The following RBFOX1 variants were observed in gnomAD, a reference collection of about 807,000 sequenced individuals.
RBFOX1 encodes RNA binding fox-1 homolog 1.
Under a neutral mutation model 57.7 loss-of-function variants are expected in RBFOX1, and 8 were observed. The ratio of observed to expected loss-of-function variants is 0.14; its 90% confidence interval spans 0.08 to 0.25. RBFOX1 has a LOEUF of 0.25. Among genes scored for constraint, RBFOX1 ranks in the 10% least tolerant of loss-of-function variants. The pLI is 1.00. For missense variants in RBFOX1, 611 were observed against 548.5 expected (o/e 1.11, Z -1.14); for synonymous variants, 326 against 222.4 (o/e 1.47, Z -4.15).
At position 6,847,733 on chromosome 16, in the gene RBFOX1, C is replaced by G. The variant is rs536286850; in HGVS notation, c.-16+193083C>G. On this transcript the variant is annotated intron_variant, in intron 3 of 15. Transcript: ENST00000550418. ...TAGAGCACCCATCAACCTGTGAATG[C>G]TTACACATTTTTATTCTGTTTTAAA... is the stretch of plus-strand genomic sequence containing the variant. 3.0e-4 allele frequency among the ~76,000 whole-genome samples: 46 copies of G among 152,196 alleles called. 1 individual carries two copies. In the South Asian group the frequency reaches 9.3e-3, roughly 31 times the overall value.
At chr16:5,586,298 A>G (rs140376100) in intron 2 of RBFOX1, among the ~76,000 whole-genome samples, 16 of 152,312 alleles carry the variant, frequency 1.1e-4, no homozygotes, top group Admixed American at 2.0e-4. Flanking sequence ...GTTGGTGGCA[A>G]TTGCGTGACG....
chr16:7,164,331 T>G (rs1215842690), intron 4 of RBFOX1, among the ~76,000 whole-genome samples: 3 of 152,206 alleles, frequency 2.0e-5, no homozygotes, highest in African/African-American at 7.2e-5. Flanking sequence ...TTCCATGGTC[T>G]GTATATACCA....
intron 2 of RBFOX1, among the ~76,000 whole-genome samples, chr16:6,420,850 G>A (rs757227195): frequency 6.6e-6 from 1 of 152,280 alleles, no homozygotes; most frequent in African/African-American, 2.4e-5. Context: ...TTTATGTGTG[G>A]GATGAGGGTG....
chr16:6,872,860 T>G (rs1365037525), intron 3 of RBFOX1, among the ~76,000 whole-genome samples: 1 of 152,176 alleles, frequency 6.6e-6, no homozygotes, highest in Non-Finnish European at 1.5e-5. Context: ...ATATAACAAT[T>G]CAAAGACTCC....
rs543972462 is a variant in RBFOX1 at position 5,965,436 on chromosome 16, A to G, written c.351+98101A>G. Among the ~76,000 whole-genome samples the G allele has an allele frequency of 1.9e-4, 29 of 152,292 alleles. 1 individual carries two copies. In the South Asian group the frequency reaches 5.2e-3, roughly 27 times the overall value. On this transcript the variant is annotated intron_variant, in intron 4 of 19. Transcript: ENST00000641259. ...AAATATATACGATTTTTATTTGTCA[A>G]CCATACCTCCACAAAGCTAGGGGGT...
chr16:5,690,128 G>A (rs1028760527), intron 3 of RBFOX1, among the ~76,000 whole-genome samples: 8 of 152,302 alleles, frequency 5.3e-5, no homozygotes, highest in Non-Finnish European at 8.8e-5. Flanking sequence ...AAGACGCCCC[G>A]GTTGGTTTTA....
chr16:7,679,470 A>C (rs1442721110), intron 14 of RBFOX1, among the ~76,000 whole-genome samples: 3 of 152,210 alleles, frequency 2.0e-5, no homozygotes, highest in African/African-American at 7.2e-5. Flanking sequence ...GGCATTGAGA[A>C]TGTTTTGGTA....
At chr16:6,166,307 G>A (rs1399434915) in intron 1 of RBFOX1, among the ~76,000 whole-genome samples, 1 of 151,458 alleles carries the variant, frequency 6.6e-6, no homozygotes, top group South Asian at 2.1e-4. Flanking sequence ...AAATGACGGG[G>A]ACCAAGCTCG....
chr16:6,968,750 T>C (rs1351093159), intron 3 of RBFOX1, among the ~76,000 whole-genome samples: 1 of 152,062 alleles, frequency 6.6e-6, no homozygotes, highest in African/African-American at 2.4e-5. Flanking sequence ...CTCTCCCTCC[T>C]CTTTGCCTAG....
chr16:5,472,329 C>T (rs1200471819), intron 2 of RBFOX1, among the ~76,000 whole-genome samples: 3 of 152,080 alleles, frequency 2.0e-5, no homozygotes, highest in Admixed American at 1.3e-4. Context: ...AATGTGATCT[C>T]GTGTAATCCT....
chr16:6,089,729 T>C (rs1432605569), intron 1 of RBFOX1, among the ~76,000 whole-genome samples: 1 of 152,130 alleles, frequency 6.6e-6, no homozygotes, highest in African/African-American at 2.4e-5. Context: ...GGTAAGTCAC[T>C]GGAAAGGTAG....
intron 4 of RBFOX1, among the ~76,000 whole-genome samples, 172 bp downstream of exon 4, chr16:7,052,270 A>T (rs76113361): frequency 1.3e-5 from 2 of 152,216 alleles, no homozygotes; most frequent in Non-Finnish European, 2.9e-5. Context: ...TGTTAAATAC[A>T]GTATATCTTC....
At chr16:6,414,355 G>A (rs562108138) in intron 2 of RBFOX1, among the ~76,000 whole-genome samples, 96 of 152,302 alleles carry the variant, frequency 6.3e-4, no homozygotes, top group Middle Eastern at 6.8e-3. Flanking sequence ...TATGGAATTT[G>A]TCACATCCAT....
Position 7,573,435 on chromosome 16 carries a change from C to T in RBFOX1, c.271-6342C>T, listed in dbSNP as rs567559008. ...CTAACATCCTTACTTTACTGACTGCCCTCAATTTCCTCCATTCTCTGAATT... is the reference window on the plus strand; with the variant it reads ...CTAACATCCTTACTTTACTGACTGCTCTCAATTTCCTCCATTCTCTGAATT... On this transcript the variant is annotated intron_variant, in intron 5 of 15. Transcript: ENST00000550418. Among the ~76,000 whole-genome samples, 5 of 152,164 alleles carry T rather than the reference C, an allele frequency of 3.3e-5. No homozygotes were observed. In the East Asian group the frequency reaches 7.8e-4, roughly 24 times the overall value.
At chr16:5,752,306 A>G (rs2053237736) in intron 3 of RBFOX1, among the ~76,000 whole-genome samples, 1 of 152,188 alleles carries the variant, frequency 6.6e-6, no homozygotes, top group Admixed American at 6.5e-5. Context: ...GAGAGAGAGG[A>G]TCAGGAAAAA....
intron 4 of RBFOX1, among the ~76,000 whole-genome samples, chr16:7,053,115 G>T (rs919993091): frequency 3.3e-5 from 5 of 152,154 alleles, no homozygotes; most frequent in African/African-American, 1.2e-4. Flanking sequence ...ATAGTCTCAT[G>T]ATGGCAATAA....
At chr16:7,657,328 G>A (rs928183271) in intron 12 of RBFOX1, among the ~76,000 whole-genome samples, 4 of 152,026 alleles carry the variant, frequency 2.6e-5, no homozygotes, top group African/African-American at 4.8e-5. Flanking sequence ...TTTTTGAGAC[G>A]GAGTCTTACT....
chr16:6,695,750 C>T (rs553755594), intron 3 of RBFOX1, among the ~76,000 whole-genome samples: 2 of 152,266 alleles, frequency 1.3e-5, no homozygotes, highest in Non-Finnish European at 2.9e-5. Flanking sequence ...ATCATGAATC[C>T]TCTCTGTACT....
At chr16:5,750,695 C>T (rs11863774) in intron 3 of RBFOX1, among the ~76,000 whole-genome samples, 1,854 of 152,268 alleles carry the variant, frequency 0.012, 37 homozygotes, top group African/African-American at 0.039. Context: ...CCTGGTGTGC[C>T]GTTTGCTGAC....
Sources: allele counts gnomAD v4.1 joint callset (sites outside exome capture counted in the v4.1 genomes callset), GRCh38; gene constraint gnomAD v4.1.1; transcripts MANE v1.5; gene names NCBI Gene and HGNC (gene_info 2026-07-23, HGNC 2026-07-21).